NBPF14: variants seen among roughly 807,000 people sequenced by gnomAD.
NBPF14 encodes NBPF member 14, also known as NBPF family member NBPF14.
Under a neutral mutation model 91.2 loss-of-function variants are expected in NBPF14, and 104 were observed. The observed-to-expected ratio is 1.14, with a 90% confidence interval of 0.97 to 1.34. NBPF14 has a LOEUF of 1.34. NBPF14 is among the 40% of genes most tolerant of loss of function. The pLI, the probability that NBPF14 is intolerant of heterozygous loss-of-function variation, is 0.00. For synonymous variants in NBPF14, 294 were observed against 303.8 expected (o/e 0.97, Z 0.34); for missense variants, 908 against 783.0 (o/e 1.16, Z -1.91).
At chr1:148,531,482 G>C (rs1553273749) in exon 71 of NBPF14, 1 of 51,670 alleles carries the variant, frequency 1.9e-5, no homozygotes, top group East Asian at 5.8e-4. Flanking sequence ...CAATCCAAAA[G>C]TCCAGAGTGA....
intron 70 of NBPF14, among the ~76,000 whole-genome samples, chr1:148,533,581 G>A (rs1447172556): frequency 6.8e-6 from 1 of 146,836 alleles, no homozygotes; most frequent in Non-Finnish European, 1.5e-5. Flanking sequence ...CATGAAAAGA[G>A]TGAGCTCAAT....
chr1:148,534,811 C>G, exon 69 of NBPF14: 1 of 1,076,662 alleles, frequency 9.3e-7, no homozygotes, highest in South Asian at 1.3e-5. Flanking sequence ...CCAGTGAGTC[C>G]TGCAAGACTT....
chr1:148,537,988 CA>C lies in NBPF14; in HGVS notation c.7952del (p.Leu2651ArgfsTer3). 2 of 395,734 alleles carry C rather than the reference CA, an allele frequency of 5.1e-6. No individual in the cohort carries two copies. The highest frequency in any genetic ancestry group is 8.1e-6 in the Non-Finnish European group (2 of 245,780). 24.5% of individuals were successfully genotyped at this position (395,734 alleles called of 1,614,324 possible). On this transcript the variant is annotated frameshift_variant, in exon 65 of 71. Transcript: ENST00000619423. LOFTEE classifies it high-confidence loss of function. ...GCAAGACTTCAGGCTCTACTACCTC[CA>C]GGAGCTCCCTGCTGAGCCTGGAAAA...
At chr1:148,583,868 CAA>C (rs1235387311) in intron 11 of NBPF14, among the ~76,000 whole-genome samples, 49 of 69,940 alleles carry the variant, frequency 7.0e-4, no homozygotes, top group South Asian at 5.1e-3. Context: ...GACTCCATTG[CAA>C]AAAAAAAAAA....
At chr1:148,593,101 A>G (rs1237654089) in intron 3 of NBPF14, among the ~76,000 whole-genome samples, 1 of 147,520 alleles carries the variant, frequency 6.8e-6, no homozygotes, top group Non-Finnish European at 1.5e-5. Flanking sequence ...AAATACACAT[A>G]GTGCATCTTG....
At chr1:148,591,390 T>A (rs1202736403) in intron 5 of NBPF14, 42 bp downstream of exon 5, 1 of 1,545,720 alleles carries the variant, frequency 6.5e-7, no homozygotes, top group African/African-American at 1.3e-5. Flanking sequence ...GACATTTTCA[T>A]ACGTTACCAC....
chr1:148,559,901 A>G (rs1236481729), exon 37 of NBPF14: 8 of 1,278,672 alleles, frequency 6.3e-6, no homozygotes, highest in African/African-American at 2.1e-5. Flanking sequence ...GGAGTTGAAT[A>G]ACATCTATCC....
exon 70 of NBPF14, chr1:148,533,957 T>G (rs1413306027): frequency 4.2e-6 from 3 of 717,548 alleles, no homozygotes; most frequent in South Asian, 1.4e-5. Context: ...CCCCTTCCCC[T>G]TCTTTTCAAT....
In NBPF14 at chr1:148,534,991, T is replaced by A. The variant is rs1553332698; in HGVS notation, c.8442-135A>T. 5.6e-6 allele frequency: 4 copies of A among 718,738 alleles called. No individual in the cohort carries two copies. The East Asian group carries it at 7.9e-5, about 14-fold the overall frequency. 44.5% of individuals were successfully genotyped at this position (718,738 alleles called of 1,614,324 possible). A position where few individuals can be genotyped will look rare whatever the true frequency, so the allele number is the denominator to read the frequency against. On this transcript the variant is annotated intron_variant, in intron 68 of 70. Transcript: ENST00000619423. ...GATCCATTAATGAGGTAACGAATTA[T>A]TGCCTTTATGTTGGGATAGACCAGG...
rs1654707565 is a variant in NBPF14, at chr1:148,534,677, T to G, written c.8614+7A>C. On this transcript the variant is annotated splice_region_variant and intron_variant, in intron 69 of 70. Transcript: ENST00000619423. ...GAGGCTTATCACCTTCATAGTAAGGTACTCACTGTCCACGTCAAGAGCCAA... is the reference window on the plus strand; with the variant it reads ...GAGGCTTATCACCTTCATAGTAAGGGACTCACTGTCCACGTCAAGAGCCAA... The G allele has an allele frequency of 1.3e-6, 1 of 799,792 alleles. No homozygotes were observed. Among genetic ancestry groups the G allele is most frequent in the Non-Finnish European group, 2.2e-6 (1 of 445,192 alleles). The allele number at this position is 799,792 out of a possible 1,614,324, so 49.5% of individuals were successfully genotyped here.
rs1347270135 is a variant in NBPF14, at chr1:148,559,835, T to G, written c.4687A>C (p.Ile1563Leu). 18 of 1,529,878 alleles carry G rather than the reference T, an allele frequency of 1.2e-5. 3 individuals carry two copies. Among genetic ancestry groups the G allele is most frequent in the Admixed American group, 8.9e-5 (5 of 55,974 alleles). 94.8% of individuals were successfully genotyped at this position (1,529,878 alleles called of 1,614,324 possible). A position where few individuals can be genotyped will look rare whatever the true frequency, so the allele number is the denominator to read the frequency against. Reference sequence around the variant, plus strand: ...AAGCCAACACGCTGCTGCTCCAATATGTAAAAGGCACTTCTATAGGGCTGG... The same window carrying G: ...AAGCCAACACGCTGCTGCTCCAATAGGTAAAAGGCACTTCTATAGGGCTGG... Residue 1563 changes from isoleucine to leucine, a missense_variant, in exon 37 of 71, where the codon ATA becomes CTA. Physicochemically the swap from Ile to Leu is conservative, Grantham distance 5 (BLOSUM62 2). Around this residue, in one of 13 missense-constraint regions of NBPF14, gnomAD observed 447 missense variants for 189.1 expected, o/e 2.36. Transcript: ENST00000619423.
chr1:148,577,576 A>T (rs1250454910), intron 14 of NBPF14, among the ~76,000 whole-genome samples: 4 of 138,618 alleles, frequency 2.9e-5, no homozygotes, highest in African/African-American at 5.6e-5. Flanking sequence ...ACACACACAC[A>T]CTCACACACA....
chr1:148,566,059 C>T, intron 29 of NBPF14, 84 bp downstream of exon 29: 4 of 324,468 alleles, frequency 1.2e-5, no homozygotes, highest in Non-Finnish European at 2.1e-5. Flanking sequence ...TCTCTCAGCT[C>T]AGTAATGGCC....
chr1:148,575,691 A>T, exon 17 of NBPF14: 1 of 197,420 alleles, frequency 5.1e-6, no homozygotes, highest in Non-Finnish European at 9.1e-6. Context: ...AGTAAACAGC[A>T]CTGCTGTAGG....
intron 68 of NBPF14, among the ~76,000 whole-genome samples, chr1:148,535,190 A>G (rs1170675651): frequency 6.7e-6 from 1 of 150,028 alleles, no homozygotes; most frequent in Non-Finnish European, 1.5e-5. Flanking sequence ...GGGGCTCAAT[A>G]ATTTTCCATA....
intron 69 of NBPF14, 35 bp downstream of exon 69, chr1:148,534,649 G>A (rs1230963387): frequency 9.3e-6 from 8 of 860,750 alleles, no homozygotes; most frequent in South Asian, 4.0e-5. Flanking sequence ...GGAAGACCAG[G>A]TGGAGGCTTA....
At chr1:148,587,511 G>T in intron 7 of NBPF14, 108 bp from the exon 8 acceptor site, 4 of 1,154,428 alleles carry the variant, frequency 3.5e-6, no homozygotes, top group Middle Eastern at 3.1e-4. Flanking sequence ...ACTCTCCCCA[G>T]TACCAGGGTC....
chr1:148,575,841 G>C (rs1431984446), intron 16 of NBPF14, 30 bp from the exon 17 acceptor site: 9 of 320,230 alleles, frequency 2.8e-5, no homozygotes, highest in Admixed American at 1.0e-4. Flanking sequence ...TAAAGAATAA[G>C]CCAGGGGGAA....
intron 25 of NBPF14, among the ~76,000 whole-genome samples, chr1:148,568,852 A>C (rs1658746759): frequency 6.9e-6 from 1 of 145,960 alleles, no homozygotes; most frequent in African/African-American, 2.5e-5. Context: ...CTAGGAGAAA[A>C]ACTGCACTAT....
Sources: gnomAD v4.1 joint callset for allele counts (sites outside exome capture counted in the v4.1 genomes callset) on GRCh38, gnomAD v4.1.1 for gene constraint, gnomAD v4.1.1 regional missense constraint, MANE v1.5 for transcripts, NCBI Gene and HGNC (gene_info 2026-07-23, HGNC 2026-07-21) for gene names.